The following PCCB variants were observed in gnomAD, a reference collection of about 807,000 sequenced individuals.
PCCB encodes the protein propionyl-CoA carboxylase beta chain, mitochondrial.
In PCCB, 43 loss-of-function variants were observed where a neutral mutation model predicts 60.7. The observed-to-expected ratio is 0.71, with a 90% CI of 0.55 to 0.91. The LOEUF (loss-of-function observed/expected upper bound fraction) is 0.91, where lower values mean the gene tolerates loss of function less well. PCCB is among the 40% of genes least tolerant of loss of function. The pLI is 0.00. For missense variants in PCCB, 766 were observed against 702.8 expected (o/e 1.09, Z -1.02); for synonymous variants, 276 against 255.9 (o/e 1.08, Z -0.75).
chr3:136,254,134 T>G lies in PCCB; in HGVS notation c.184-1722T>G, dbSNP rs553225136. Among the ~76,000 whole-genome samples the G allele has an allele frequency of 1.1e-4, 16 of 152,122 alleles. No individual in the cohort carries two copies. In the East Asian group the frequency reaches 3.1e-3, roughly 29 times the overall value. Reference sequence around the variant, plus strand: ...CCAATTTGAGGTATGTGGTTTTTTTTGTTGTTGTTGGGGAAGGGGACGGTA... The same window carrying G: ...CCAATTTGAGGTATGTGGTTTTTTTGGTTGTTGTTGGGGAAGGGGACGGTA... On this transcript the variant is annotated intron_variant, in intron 1 of 14. Transcript: ENST00000251654.
chr3:136,325,549 G>A (rs1309264565), intron 10 of PCCB, among the ~76,000 whole-genome samples: 1 of 151,362 alleles, frequency 6.6e-6, no homozygotes, highest in Non-Finnish European at 1.5e-5. Context: ...GTAGAGATGA[G>A]GTTTCACCAT....
In PCCB at chr3:136,302,696, T is replaced by C. The variant is rs1310786705; in HGVS notation, c.966+1585T>C. On this transcript the variant is annotated intron_variant, in intron 9 of 14. Coordinates refer to ENST00000251654, the MANE Select transcript of PCCB (RefSeq NM_000532.5). ...GTCATTTAGCATTAGGTATATCTCC[T>C]AATGCTATCCCTCCCCCCTCCCCCA... Among the ~76,000 whole-genome samples the C allele has an allele frequency of 2.6e-5, 3 of 117,310 alleles. 1 individual carries two copies. Among genetic ancestry groups the C allele is most frequent in the African/African-American group, 7.7e-5 (3 of 39,132 alleles). The allele number at this position is 117,310 out of a possible 152,430, so 77.0% of individuals were successfully genotyped here.
intron 5 of PCCB, among the ~76,000 whole-genome samples, chr3:136,280,499 C>T (rs1314410775): frequency 2.0e-5 from 3 of 152,146 alleles, no homozygotes; most frequent in African/African-American, 7.2e-5. Flanking sequence ...GCATGCACCA[C>T]CATGCCTAGC....
Position 136,265,969 on chromosome 3 carries a change from G to A in PCCB, c.543+3904G>A, listed in dbSNP as rs371526165. On this transcript the variant is annotated intron_variant, in intron 5 of 14. Transcript: ENST00000251654. ...GCCTCCCGAGTAGCTGGGACTACAG[G>A]CACCTGCCATCACGCCCGGCTAATT... 1.8e-4 allele frequency among the ~76,000 whole-genome samples: 27 copies of A among 151,934 alleles called. No individual in the cohort carries two copies. In the East Asian group the frequency reaches 2.5e-3, roughly 14 times the overall value.
chr3:136,254,085 A>G (rs935416246), intron 1 of PCCB, among the ~76,000 whole-genome samples: 2 of 152,130 alleles, frequency 1.3e-5, no homozygotes, highest in Non-Finnish European at 2.9e-5. Context: ...AGCTTTGGCT[A>G]CTTTCCTAAG....
intron 5 of PCCB, among the ~76,000 whole-genome samples, chr3:136,278,818 G>A (rs1319416335): frequency 1.4e-4 from 21 of 152,176 alleles, no homozygotes. Flanking sequence ...AGTTCATAGT[G>A]TTGTTCAAGT....
At chr3:136,253,252 G>A (rs911784057) in intron 1 of PCCB, among the ~76,000 whole-genome samples, 15 of 151,870 alleles carry the variant, frequency 9.9e-5, no homozygotes, top group Middle Eastern at 3.2e-3. Flanking sequence ...ACCACACCTG[G>A]CTATAATTTT....
At chr3:136,259,810 T>C (rs1376550805) in intron 3 of PCCB, among the ~76,000 whole-genome samples, 2 of 152,132 alleles carry the variant, frequency 1.3e-5, no homozygotes, top group African/African-American at 4.8e-5. Context: ...TGGAGTGCAC[T>C]GGAGCAATCT....
chr3:136,301,642 A>T (rs1048219849), intron 9 of PCCB, among the ~76,000 whole-genome samples: 2 of 151,948 alleles, frequency 1.3e-5, no homozygotes, highest in Non-Finnish European at 2.9e-5. Context: ...GCATCTGTAG[A>T]TGGCCAATGC....
chr3:136,310,944 T>G (rs1263894634), intron 9 of PCCB, among the ~76,000 whole-genome samples: 1 of 152,146 alleles, frequency 6.6e-6, no homozygotes, highest in African/African-American at 2.4e-5. Context: ...GTAATAAAAT[T>G]TGGTATAGAC....
chr3:136,312,451 C>T (rs904978890), intron 9 of PCCB, among the ~76,000 whole-genome samples: 2 of 152,172 alleles, frequency 1.3e-5, no homozygotes, highest in African/African-American at 2.4e-5. Context: ...TGACCAGAAC[C>T]TCTTTGTGTA....
chr3:136,327,899 G>C (rs1314710583), intron 13 of PCCB, among the ~76,000 whole-genome samples, 167 bp downstream of exon 13: 1 of 152,204 alleles, frequency 6.6e-6, no homozygotes, highest in Admixed American at 6.5e-5. Context: ...TGGGGCTCCA[G>C]AGATAGCTCT....
Position 136,328,747 on chromosome 3 carries a change from T to C in PCCB, c.1399-11T>C. 6.2e-7 allele frequency: 1 copy of C among 1,609,128 alleles called. No homozygotes were observed. Among genetic ancestry groups the C allele is most frequent in the Non-Finnish European group, 8.5e-7 (1 of 1,175,498 alleles). ...ACGACCAAAGATGTTCATGAACTCCTCTAATCACAGGGCGCTGTGGAGATC... is the reference window on the plus strand; with the variant it reads ...ACGACCAAAGATGTTCATGAACTCCCCTAATCACAGGGCGCTGTGGAGATC... On this transcript the variant is annotated splice_polypyrimidine_tract_variant and intron_variant, in intron 13 of 14. Coordinates refer to ENST00000251654, the MANE Select transcript of PCCB (RefSeq NM_000532.5).
chr3:136,253,423 T>A (rs1248827450), intron 1 of PCCB, among the ~76,000 whole-genome samples: 5 of 151,572 alleles, frequency 3.3e-5, no homozygotes, highest in Admixed American at 2.6e-4. Flanking sequence ...CTCACCTTGT[T>A]GCTCAGGCTG....
In PCCB at chr3:136,296,835, GAAACA is replaced by G. The variant is rs571372979; in HGVS notation, c.764-1104_764-1100del. Among the ~76,000 whole-genome samples the G allele has an allele frequency of 2.9e-3, 434 of 152,242 alleles. 5 individuals carry two copies. The highest frequency in any genetic ancestry group is 5.0e-3 in the Non-Finnish European group (342 of 68,002). On this transcript the variant is annotated intron_variant, in intron 7 of 14. Coordinates refer to ENST00000251654, the MANE Select transcript of PCCB (RefSeq NM_000532.5). ...ATAGAATAATAAAAATGTAAAAAAA[GAAACA>G]AAACAAAACAAATATTCATCGAGTA...
At position 136,255,853 on chromosome 3, in the gene PCCB, TAGGGAAAGCTAACAGCC is replaced by T. The variant is rs2108137253; in HGVS notation, c.187_203del (p.Lys63GlufsTer13). The T allele has an allele frequency of 6.2e-7, 1 of 1,613,614 alleles. No homozygotes were observed. ...TCACTGAGTGATCTTTGTTCCATTG[TAGGGAAAGCTAACAGCC>T]AGGGAGAGGATCAGTCTCTTGCTGG... On this transcript the variant is annotated splice_acceptor_variant and coding_sequence_variant, in exon 2 of 15. Coordinates refer to ENST00000251654, the MANE Select transcript of PCCB (RefSeq NM_000532.5). LOFTEE classifies it high-confidence loss of function.
chr3:136,299,338 A>G (rs1934090894), intron 8 of PCCB, among the ~76,000 whole-genome samples: 1 of 151,882 alleles, frequency 6.6e-6, no homozygotes, highest in Non-Finnish European at 1.5e-5. Flanking sequence ...TTGTGCATAC[A>G]CACATACACA....
At chr3:136,277,012 A>G (rs1031646444) in intron 5 of PCCB, among the ~76,000 whole-genome samples, 2 of 152,128 alleles carry the variant, frequency 1.3e-5, no homozygotes, top group Admixed American at 1.3e-4. Flanking sequence ...GGGCTGCCCA[A>G]CTCCAGGCTG....
At chr3:136,256,981 G>A (rs1391405156) in intron 3 of PCCB, among the ~76,000 whole-genome samples, 1 of 152,130 alleles carries the variant, frequency 6.6e-6, no homozygotes, top group Non-Finnish European at 1.5e-5. Context: ...GTGCAGCCTC[G>A]CAAAGGGGAC....
Sources: gnomAD v4.1 joint callset for allele counts (sites outside exome capture counted in the v4.1 genomes callset) on GRCh38, gnomAD v4.1.1 for gene constraint, MANE v1.5 for transcripts, NCBI Gene and HGNC (gene_info 2026-07-23, HGNC 2026-07-21) for gene names.